The following CADM2 variants were observed in gnomAD, a reference collection of about 807,000 sequenced individuals.
CADM2 encodes the protein immunoglobulin superfamily member 4D.
In CADM2, 12 loss-of-function variants were observed where a neutral mutation model predicts 49.8. The observed-to-expected ratio is 0.24, with a 90% CI of 0.15 to 0.39. The LOEUF is 0.39. CADM2 is among the 10% of genes least tolerant of loss of function. The probability of loss-of-function intolerance (pLI) is 1.00; values close to 1 mark genes in which losing one functional copy is unlikely to be tolerated. For synonymous variants in CADM2, 214 were observed against 175.4 expected, an observed-to-expected ratio of 1.22 and a Z score of -1.74; for missense variants, 378 against 492.3, an observed-to-expected ratio of 0.77 and a Z score of 2.20.
At chr3:85,085,353 C>T (rs1019251965) in intron 1 of CADM2, among the ~76,000 whole-genome samples, 1 of 152,058 alleles carries the variant, frequency 6.6e-6, no homozygotes, top group Non-Finnish European at 1.5e-5. Flanking sequence ...GCATAACATC[C>T]TCTAGGTTCA....
At chr3:86,058,050 A>C (rs894798293) in intron 8 of CADM2, among the ~76,000 whole-genome samples, 1 of 152,190 alleles carries the variant, frequency 6.6e-6, no homozygotes, top group Non-Finnish European at 1.5e-5. Flanking sequence ...ACATTGAAAA[A>C]AATTGCAATA....
intron 1 of CADM2, among the ~76,000 whole-genome samples, chr3:85,713,070 A>G (rs1345540624): frequency 1.3e-5 from 2 of 152,026 alleles, no homozygotes; most frequent in Non-Finnish European, 2.9e-5. Flanking sequence ...TAAACCTGTA[A>G]TTTATCTCTT....
intron 1 of CADM2, among the ~76,000 whole-genome samples, chr3:85,367,320 A>G (rs902071994): frequency 1.3e-5 from 2 of 152,056 alleles, no homozygotes; most frequent in South Asian, 4.1e-4. Context: ...ACTGTTAAAT[A>G]CAGAAGGAAT....
intron 8 of CADM2, among the ~76,000 whole-genome samples, chr3:86,041,852 T>G (rs901088528): frequency 2.0e-5 from 3 of 152,104 alleles, no homozygotes; most frequent in African/African-American, 7.2e-5. Context: ...TCAGCAAATG[T>G]AAAAGAACAA....
intron 1 of CADM2, among the ~76,000 whole-genome samples, chr3:85,540,428 C>T (rs1359457572): frequency 1.3e-5 from 2 of 152,046 alleles, no homozygotes; most frequent in Non-Finnish European, 2.9e-5. Context: ...AGATACTTGG[C>T]ATTTTAGATT....
intron 1 of CADM2, among the ~76,000 whole-genome samples, chr3:85,522,394 C>A (rs1559884613): frequency 1.3e-5 from 2 of 152,048 alleles, no homozygotes; most frequent in Non-Finnish European, 2.9e-5. Flanking sequence ...ATGCTTCATG[C>A]AGTTCGTCCC....
At chr3:85,255,982 C>T (rs543179077) in intron 1 of CADM2, among the ~76,000 whole-genome samples, 31 of 152,106 alleles carry the variant, frequency 2.0e-4, no homozygotes, top group Middle Eastern at 3.4e-3. Context: ...TTGCACGAGC[C>T]TGTTATGTGA....
intron 8 of CADM2, chr3:86,014,543 C>G: frequency 6.3e-7 from 1 of 1,584,942 alleles, no homozygotes; most frequent in Non-Finnish European, 8.6e-7. Flanking sequence ...CTCAGCTAGC[C>G]TCTGAGAGTT....
intron 1 of CADM2, among the ~76,000 whole-genome samples, chr3:85,154,872 T>C (rs992210276): frequency 6.6e-6 from 1 of 150,990 alleles, no homozygotes; most frequent in Non-Finnish European, 1.5e-5. Flanking sequence ...TAAAATACTT[T>C]ACAGACAAGC....
intron 8 of CADM2, among the ~76,000 whole-genome samples, chr3:85,986,668 T>C (rs1192793906): frequency 6.6e-6 from 1 of 152,084 alleles, no homozygotes; most frequent in Non-Finnish European, 1.5e-5. Context: ...TTCACTAGTC[T>C]TTTAAAAAAC....
At chr3:85,441,793 T>C (rs2037214259) in intron 1 of CADM2, among the ~76,000 whole-genome samples, 3 of 151,896 alleles carry the variant, frequency 2.0e-5, no homozygotes, top group Admixed American at 2.0e-4. Flanking sequence ...TTATGACACG[T>C]GGTGAGAGAA....
At chr3:85,063,051 G>C (rs1042042727) in intron 1 of CADM2, among the ~76,000 whole-genome samples, 7 of 151,518 alleles carry the variant, frequency 4.6e-5, no homozygotes, top group Admixed American at 4.6e-4. Context: ...CACTTCAAAT[G>C]GATTCACAAT....
intron 3 of CADM2, among the ~76,000 whole-genome samples, chr3:85,837,326 T>C (rs1375011208): frequency 2.0e-5 from 3 of 151,638 alleles, no homozygotes; most frequent in African/African-American, 7.3e-5. Context: ...GCTTCTCAAG[T>C]AGAACTTTCT....
intron 1 of CADM2, among the ~76,000 whole-genome samples, chr3:85,545,299 T>G (rs569562119): frequency 2.6e-5 from 4 of 152,338 alleles, no homozygotes; most frequent in Non-Finnish European, 4.4e-5. Flanking sequence ...GACTATTTTT[T>G]GGGCTCTTAC....
At chr3:85,138,870 G>T (rs1340723000) in intron 1 of CADM2, among the ~76,000 whole-genome samples, 1 of 152,150 alleles carries the variant, frequency 6.6e-6, no homozygotes, top group Non-Finnish European at 1.5e-5. Flanking sequence ...AGAAAACAAG[G>T]ATGAAGTATA....
intron 1 of CADM2, among the ~76,000 whole-genome samples, chr3:85,580,988 A>G (rs1398412147): frequency 1.3e-5 from 2 of 152,058 alleles, no homozygotes; most frequent in Non-Finnish European, 2.9e-5. Context: ...AAAATGGAGA[A>G]GTATATTTGA....
chr3:84,966,209 T>C (rs1168553492), intron 1 of CADM2, among the ~76,000 whole-genome samples: 4 of 152,100 alleles, frequency 2.6e-5, no homozygotes, highest in Non-Finnish European at 4.4e-5. Flanking sequence ...TCTGCTTAAG[T>C]AGGGATCAGT....
In CADM2 at chr3:85,130,343, TC is replaced by T. The variant is rs539026671; in HGVS notation, c.61+170677del. 6.8e-4 allele frequency among the ~76,000 whole-genome samples: 103 copies of T among 152,328 alleles called. 1 individual carries two copies. Among genetic ancestry groups the T allele is most frequent in the Middle Eastern group, 3.4e-3 (1 of 294 alleles). On this transcript the variant is annotated intron_variant, in intron 1 of 9. Transcript: ENST00000383699. ...AATGGCATTATTTTATCCATAGTTT[TC>T]CTTACCAATACAATTGTTGAAAAAA...
chr3:85,318,564 C>T (rs1576341100), intron 1 of CADM2, among the ~76,000 whole-genome samples: 1 of 152,136 alleles, frequency 6.6e-6, no homozygotes, highest in South Asian at 2.1e-4. Flanking sequence ...GAAACAAGGT[C>T]CAAACTAATA....
Sources: allele counts gnomAD v4.1 joint callset (sites outside exome capture counted in the v4.1 genomes callset), GRCh38; gene constraint gnomAD v4.1.1; transcripts MANE v1.5; gene names NCBI Gene and HGNC (gene_info 2026-07-23, HGNC 2026-07-21).